The following SESN1 variants were observed in gnomAD, a reference collection of about 807,000 sequenced individuals.
SESN1 encodes sestrin 1, also known as sestrin-1.
In SESN1, 30 loss-of-function variants were observed where a neutral mutation model predicts 59.3. The ratio of observed to expected loss-of-function variants is 0.51; its 90% CI spans 0.38 to 0.69. The LOEUF (loss-of-function observed/expected upper bound fraction) is 0.69. Ranked by LOEUF, SESN1 falls within the 30% of genes least tolerant of loss-of-function variation. SESN1 has a pLI of 0.00. For synonymous variants in SESN1, 197 were observed against 219.9 expected, an observed-to-expected ratio of 0.90 and a Z score of 0.92; for missense variants, 566 against 673.0, an observed-to-expected ratio of 0.84 and a Z score of 1.76.
chr6:109,028,583 TA>T (rs972167494), intron 1 of SESN1, among the ~76,000 whole-genome samples: 4 of 151,816 alleles, frequency 2.6e-5, no homozygotes, highest in Non-Finnish European at 5.9e-5. Flanking sequence ...CGGGCAATAC[TA>T]GGGGGTAAGA....
chr6:108,995,020 T>G (rs1204611621), intron 5 of SESN1, among the ~76,000 whole-genome samples: 1 of 152,136 alleles, frequency 6.6e-6, no homozygotes, highest in Non-Finnish European at 1.5e-5. Context: ...TATATCTTAG[T>G]AGAATATAGG....
At position 109,019,925 on chromosome 6, in the gene SESN1, A is replaced by G. The variant is rs767209047; in HGVS notation, c.280-17582T>C. Among the ~76,000 whole-genome samples, 29 of 152,218 alleles carry G rather than the reference A, an allele frequency of 1.9e-4. 1 individual carries two copies. The highest frequency in any genetic ancestry group is 4.1e-4 in the Non-Finnish European group (28 of 68,032). On this transcript the variant is annotated intron_variant, in intron 1 of 9. Coordinates refer to ENST00000436639, the MANE Select transcript of SESN1 (RefSeq NM_014454.3). ...CATTAAAATGTCACAATCTTCAAAT[A>G]TTGCACACTAAATTTATACATAAGT...
At chr6:108,996,103 T>C (rs1779497665) in intron 5 of SESN1, among the ~76,000 whole-genome samples, 1 of 152,224 alleles carries the variant, frequency 6.6e-6, no homozygotes, top group Admixed American at 6.5e-5. Flanking sequence ...AGGTAGGAAA[T>C]CTGTTTGGTT....
At chr6:108,989,213 G>A (rs1227254347) in intron 8 of SESN1, among the ~76,000 whole-genome samples, 1 of 152,088 alleles carries the variant, frequency 6.6e-6, no homozygotes, top group Non-Finnish European at 1.5e-5. Context: ...ATATTGGCCA[G>A]GCTAGTCTAA....
In SESN1 at chr6:109,002,082, T is replaced by A. The variant is rs114751963; in HGVS notation, c.345+196A>T. ...ATTAAATATGGGTGTTAAAAACACATCATGAAATACTAGAAATCAACACAA... is the reference window on the plus strand; with the variant it reads ...ATTAAATATGGGTGTTAAAAACACAACATGAAATACTAGAAATCAACACAA... On this transcript the variant is annotated intron_variant, in intron 2 of 9. Transcript: ENST00000436639. 1.9e-3 allele frequency among the ~76,000 whole-genome samples: 289 copies of A among 152,276 alleles called. 1 individual carries two copies. Among genetic ancestry groups the A allele is most frequent in the African/African-American group, 6.6e-3 (274 of 41,546 alleles).
intron 1 of SESN1, among the ~76,000 whole-genome samples, chr6:109,074,881 G>A (rs1049292067): frequency 6.6e-6 from 1 of 152,166 alleles, no homozygotes; most frequent in Non-Finnish European, 1.5e-5. Context: ...ACCAAGAATG[G>A]GAAGTAAAAC....
intron 1 of SESN1, chr6:109,009,670 C>T: frequency 1.8e-6 from 1 of 563,410 alleles, no homozygotes; most frequent in Non-Finnish European, 2.3e-6. Context: ...CAAAGCACCG[C>T]CCCTCCGGCG....
At chr6:109,012,964 A>G (rs987107582) in intron 1 of SESN1, among the ~76,000 whole-genome samples, 2 of 151,712 alleles carry the variant, frequency 1.3e-5, no homozygotes, top group African/African-American at 4.8e-5. Flanking sequence ...AAATACAAAA[A>G]AATTAGCTGG....
intron 1 of SESN1, among the ~76,000 whole-genome samples, chr6:109,005,189 G>GT (rs1779708518): frequency 1.3e-5 from 2 of 152,290 alleles, no homozygotes; most frequent in Non-Finnish European, 1.5e-5. Context: ...ATAGAAGGCT[G>GT]TTTCAATAAA....
At chr6:109,027,476 CAAAAAAAAA>C (rs57225616) in intron 1 of SESN1, among the ~76,000 whole-genome samples, 1 of 27,326 alleles carries the variant, frequency 3.7e-5, no homozygotes, top group Non-Finnish European at 7.7e-5. Flanking sequence ...GACTCTGTCT[CAAAAAAAAA>C]AAAAAAAAAA....
chr6:109,084,533 A>G (rs1781179830), intron 1 of SESN1, among the ~76,000 whole-genome samples: 1 of 152,228 alleles, frequency 6.6e-6, no homozygotes, highest in Admixed American at 6.5e-5. Context: ...AGCCTGGGCA[A>G]CAAGAGCAAC....
chr6:109,084,595 AAAAT>A (rs1781181735), intron 1 of SESN1, among the ~76,000 whole-genome samples: 1 of 152,170 alleles, frequency 6.6e-6, no homozygotes, highest in Admixed American at 6.6e-5. Flanking sequence ...AAACAAACAA[AAAAT>A]AAATAAAAGC....
intron 1 of SESN1, among the ~76,000 whole-genome samples, chr6:109,081,266 A>G (rs1258824365): frequency 1.3e-5 from 2 of 152,080 alleles, no homozygotes; most frequent in African/African-American, 4.8e-5. Flanking sequence ...TTTTTTGTAG[A>G]GATGAGGTCT....
chr6:109,005,685 G>A lies in SESN1; in HGVS notation c.280-3342C>T, dbSNP rs540888095. On this transcript the variant is annotated intron_variant, in intron 1 of 9. Coordinates refer to ENST00000436639, the MANE Select transcript of SESN1 (RefSeq NM_014454.3). ...CCATCCCTATTGCCAAATTTAGTGG[G>A]CATATTAATAACACTGTCTCCCCTC... Among the ~76,000 whole-genome samples the A allele has an allele frequency of 3.3e-5, 5 of 152,176 alleles. No homozygotes were observed. The South Asian group carries it at 8.3e-4, about 25-fold the overall frequency.
intron 5 of SESN1, among the ~76,000 whole-genome samples, chr6:108,994,893 C>T (rs1779472050): frequency 1.3e-5 from 2 of 151,880 alleles, no homozygotes; most frequent in South Asian, 4.2e-4. Context: ...TTAGTAGAGA[C>T]GGGGTTTCAC....
In SESN1 at chr6:108,998,528, T is replaced by A; in HGVS notation, c.957A>T (p.Ser319=). The change falls in exon 5 of 10, where the codon TCA becomes TCT. Residue 319 remains serine, a synonymous_variant. Coordinates refer to ENST00000436639, the MANE Select transcript of SESN1 (RefSeq NM_014454.3). The stretch of plus-strand genomic sequence containing the variant: ...TAATACTTACAGAAACATTTTCTGC[T>A]GAGTTGACCGGCATCTCATCCACAC... ...NHSVDEMPVN[S]AENVSVSDSF... 6.2e-7 allele frequency: 1 copy of A among 1,613,884 alleles called. No individual in the cohort carries two copies. The highest frequency in any genetic ancestry group is 1.1e-5 in the South Asian group (1 of 91,078).
chr6:109,093,361 C>T (rs906596916), intron 1 of SESN1, among the ~76,000 whole-genome samples: 1 of 152,002 alleles, frequency 6.6e-6, no homozygotes, highest in African/African-American at 2.4e-5. Context: ...GAGAACACAT[C>T]CTGGTTTGTT....
intron 1 of SESN1, among the ~76,000 whole-genome samples, chr6:109,030,441 G>T (rs1229701681): frequency 1.3e-5 from 2 of 152,300 alleles, no homozygotes; most frequent in South Asian, 2.1e-4. Context: ...AAAGACAGTA[G>T]AAGATTTATC....
In SESN1 at chr6:108,985,385, A is replaced by C. The variant is rs774775778; in HGVS notation, c.*2159T>G. 1.6e-4 allele frequency among the ~76,000 whole-genome samples: 24 copies of C among 152,152 alleles called. No individual in the cohort carries two copies. Among genetic ancestry groups the C allele is most frequent in the Non-Finnish European group, 2.5e-4 (17 of 68,022 alleles). ...TTTCCTCTGGTTGGGGAAGGTTTTG[A>C]TATCCCCAGTGTAATGTACCTTCCC... On this transcript the variant is annotated 3_prime_UTR_variant, in exon 10 of 10. Coordinates refer to ENST00000436639, the MANE Select transcript of SESN1 (RefSeq NM_014454.3).
Sources: allele counts gnomAD v4.1 joint callset (sites outside exome capture counted in the v4.1 genomes callset), GRCh38; gene constraint gnomAD v4.1.1; transcripts MANE v1.5; gene names NCBI Gene and HGNC (gene_info 2026-07-23, HGNC 2026-07-21).